Variants in WIF1 observed in about 807,000 individuals in gnomAD.
The protein encoded by WIF1 is Wnt inhibitory factor 1.
WIF1 carries 35 observed loss-of-function variants against 53.5 expected under a neutral mutation model. That is an observed-to-expected ratio of 0.65 (90% CI 0.50 to 0.87). WIF1 has a LOEUF of 0.87. WIF1 is among the 40% of genes least tolerant of loss of function. The probability of loss-of-function intolerance (pLI) is 0.00; values close to 1 mark genes in which losing one functional copy is unlikely to be tolerated. For missense variants in WIF1, 467 were observed against 476.8 expected, an observed-to-expected ratio of 0.98 and a Z score of 0.19; for synonymous variants, 171 against 170.4, an observed-to-expected ratio of 1.00 and a Z score of -0.03.
chr12:65,062,833 C>T (rs557768719), intron 6 of WIF1, among the ~76,000 whole-genome samples: 3 of 151,986 alleles, frequency 2.0e-5, no homozygotes, highest in Non-Finnish European at 4.4e-5. Flanking sequence ...AAGAAAGGCA[C>T]AGTAAAAAAA....
rs1297903007 is a variant in WIF1 at position 65,067,836 on chromosome 12, T to G, written c.539-46A>C. ...GCTTATATGGACACCCTTGAAATCA[T>G]GTTGGGTGAATCACAGCCAGTGTGA... On this transcript the variant is annotated intron_variant, in intron 4 of 9. Coordinates refer to ENST00000286574, the MANE Select transcript of WIF1 (RefSeq NM_007191.5). 1.9e-6 allele frequency: 3 copies of G among 1,559,278 alleles called. No homozygotes were observed. In the African/African-American group the frequency reaches 4.1e-5, roughly 21 times the overall value.
chr12:65,113,197 T>G (rs1327615572), intron 2 of WIF1, among the ~76,000 whole-genome samples: 1 of 152,150 alleles, frequency 6.6e-6, no homozygotes, highest in Admixed American at 6.5e-5. Flanking sequence ...GTTGGCTAAA[T>G]TACTGCAGTA....
At chr12:65,091,548 T>C (rs190745866) in intron 2 of WIF1, among the ~76,000 whole-genome samples, 36 of 152,054 alleles carry the variant, frequency 2.4e-4, no homozygotes, top group East Asian at 1.7e-3. Flanking sequence ...GTATCCTATA[T>C]AACCAATTTC....
intron 2 of WIF1, among the ~76,000 whole-genome samples, chr12:65,089,675 A>G (rs894292574): frequency 1.3e-5 from 2 of 151,998 alleles, no homozygotes; most frequent in Non-Finnish European, 2.9e-5. Flanking sequence ...CTTATTTCAT[A>G]CTCTATGCCT....
intron 2 of WIF1, among the ~76,000 whole-genome samples, chr12:65,118,026 TG>T (rs1883539101): frequency 6.6e-6 from 1 of 152,202 alleles, no homozygotes; most frequent in Non-Finnish European, 1.5e-5. Flanking sequence ...AATAATTTAT[TG>T]GAAGTAAATA....
At chr12:65,120,905 A>G in intron 1 of WIF1, 139 bp downstream of exon 1, 13 of 1,173,982 alleles carry the variant, frequency 1.1e-5, no homozygotes, top group Non-Finnish European at 1.5e-5. Context: ...TTCAGATGGA[A>G]AATATCTAAT....
Position 65,067,801 on chromosome 12 carries a change from G to A in WIF1, c.539-11C>T. 1.2e-6 allele frequency: 2 copies of A among 1,612,130 alleles called. No homozygotes were observed. The highest frequency in any genetic ancestry group is 1.1e-5 in the South Asian group (1 of 90,930). On this transcript the variant is annotated splice_polypyrimidine_tract_variant and intron_variant, in intron 4 of 9. Coordinates refer to ENST00000286574, the MANE Select transcript of WIF1 (RefSeq NM_007191.5). ...CGCCTGGGCACTCAGCTTCAGCAGA[G>A]AGAAACAAAGCTTATATGGACACCC... is the stretch of plus-strand genomic sequence containing the variant.
intron 4 of WIF1, among the ~76,000 whole-genome samples, chr12:65,068,139 A>T (rs1221009264): frequency 6.6e-6 from 1 of 152,082 alleles, no homozygotes; most frequent in Non-Finnish European, 1.5e-5. Context: ...GGGTAAGATG[A>T]CTTATGGGTA....
At chr12:65,111,681 T>C (rs1883433200) in intron 2 of WIF1, among the ~76,000 whole-genome samples, 1 of 152,214 alleles carries the variant, frequency 6.6e-6, no homozygotes, top group Non-Finnish European at 1.5e-5. Flanking sequence ...GATATGTTTA[T>C]ATAGCTGTCT....
At chr12:65,116,706 G>A (rs560680104) in intron 2 of WIF1, among the ~76,000 whole-genome samples, 3 of 151,600 alleles carry the variant, frequency 2.0e-5, no homozygotes, top group South Asian at 2.1e-4. Flanking sequence ...AGGCTGAGGC[G>A]GGTGGATCAC....
chr12:65,103,520 G>A (rs1256345273), intron 2 of WIF1, among the ~76,000 whole-genome samples: 1 of 152,118 alleles, frequency 6.6e-6, no homozygotes, highest in Non-Finnish European at 1.5e-5. Context: ...TGAGAAACTA[G>A]ATAAATGTTC....
At chr12:65,072,727 C>T (rs1008741075) in intron 3 of WIF1, among the ~76,000 whole-genome samples, 3 of 152,056 alleles carry the variant, frequency 2.0e-5, no homozygotes, top group Non-Finnish European at 2.9e-5. Flanking sequence ...GAAAAAGAGA[C>T]ATCAAAGGCA....
intron 2 of WIF1, among the ~76,000 whole-genome samples, chr12:65,106,638 G>A (rs535456179): frequency 7.2e-5 from 11 of 152,060 alleles, no homozygotes; most frequent in Non-Finnish European, 1.5e-4. Flanking sequence ...GAGCCACTGC[G>A]CCCATCCCAA....
intron 2 of WIF1, among the ~76,000 whole-genome samples, chr12:65,093,637 ATAGT>A (rs968132865): frequency 1.1e-4 from 16 of 152,284 alleles, no homozygotes; most frequent in East Asian, 3.9e-4. Flanking sequence ...AGCAGACACT[ATAGT>A]TAGTCAAGCT....
At chr12:65,079,381 A>T (rs1456939087) in intron 2 of WIF1, among the ~76,000 whole-genome samples, 1 of 152,120 alleles carries the variant, frequency 6.6e-6, no homozygotes, top group African/African-American at 2.4e-5. Flanking sequence ...AAACCCTCCC[A>T]CAAAAAAAAT....
chr12:65,057,744 C>T (rs1882551079), intron 7 of WIF1, among the ~76,000 whole-genome samples: 1 of 152,148 alleles, frequency 6.6e-6, no homozygotes, highest in African/African-American at 2.4e-5. Flanking sequence ...CTAAGCCCTT[C>T]TTTTTATTGC....
chr12:65,120,458 T>C lies in WIF1; in HGVS notation c.247A>G (p.Asn83Asp), dbSNP rs773930531. 2 of 1,614,052 alleles carry C rather than the reference T, an allele frequency of 1.2e-6. No individual in the cohort carries two copies. The highest frequency in any genetic ancestry group is 1.7e-5 in the Admixed American group (1 of 60,002). The change falls in exon 2 of 10, where the codon AAT becomes GAT. Residue 83 changes from asparagine (N) to aspartate (D), a missense_variant. Physicochemically the swap from Asn to Asp is conservative, Grantham distance 23. Transcript: ENST00000286574. The part of the protein sequence containing the change: ...AQQRMPAIPV[N>D]IHSMNFTWQA... The stretch of plus-strand genomic sequence containing the variant: ...CAGGTAAAATTCATGGAATGGATAT[T>C]GACAGGAATAGCTGGCATTCTCTGT...
At chr12:65,075,861 A>G (rs1353116749) in intron 3 of WIF1, among the ~76,000 whole-genome samples, 1 of 152,202 alleles carries the variant, frequency 6.6e-6, no homozygotes, top group Non-Finnish European at 1.5e-5. Context: ...GAATATACCT[A>G]ATATACAACA....
chr12:65,069,391 G>A (rs1049263147), intron 3 of WIF1, among the ~76,000 whole-genome samples: 1 of 152,102 alleles, frequency 6.6e-6, no homozygotes, highest in African/African-American at 2.4e-5. Flanking sequence ...CTTAAATAAA[G>A]TCTGATGAGC....
Sources: allele counts gnomAD v4.1 joint callset (sites outside exome capture counted in the v4.1 genomes callset), GRCh38; gene constraint gnomAD v4.1.1; transcripts MANE v1.5; gene names NCBI Gene and HGNC (gene_info 2026-07-23, HGNC 2026-07-21).